The following SCOC variants were observed in gnomAD, a reference collection of about 807,000 sequenced individuals.
SCOC encodes short coiled coil protein.
Under a neutral mutation model 9.9 loss-of-function variants are expected in SCOC, and 7 were observed. That is an observed-to-expected ratio of 0.71 (90% CI 0.40 to 1.33). The LOEUF is 1.33. Ranked by LOEUF, SCOC falls within the 40% of genes most tolerant of loss-of-function variation. The pLI, the probability that SCOC is intolerant of heterozygous loss-of-function variation, is 0.01. For missense variants in SCOC, 66 were observed against 89.7 expected (o/e 0.74, Z 1.07); for synonymous variants, 19 against 28.2 (o/e 0.67, Z 1.03).
At chr4:140,328,012 G>A (rs879454260) in intron 1 of SCOC, among the ~76,000 whole-genome samples, 1 of 152,176 alleles carries the variant, frequency 6.6e-6, no homozygotes, top group Non-Finnish European at 1.5e-5. Context: ...CCAAGTCCTG[G>A]CAGCCACACT....
At chr4:140,331,347 G>A (rs1578817442) in intron 1 of SCOC, among the ~76,000 whole-genome samples, 1 of 152,094 alleles carries the variant, frequency 6.6e-6, no homozygotes, top group Admixed American at 6.5e-5. Context: ...CTGGAAAAGA[G>A]TTGCCCATAG....
At chr4:140,299,673 G>A (rs183341724) in intron 1 of SCOC, among the ~76,000 whole-genome samples, 4,932 of 152,212 alleles carry the variant, frequency 0.032, 244 homozygotes, top group African/African-American at 0.11. Flanking sequence ...GAATTGTAAC[G>A]TCGTTTGTCT....
intron 1 of SCOC, among the ~76,000 whole-genome samples, chr4:140,323,340 C>T (rs555696430): frequency 5.8e-4 from 88 of 152,202 alleles, no homozygotes; most frequent in Non-Finnish European, 1.1e-3. Context: ...CAAGCAGATG[C>T]TGGTGCCATG....
Position 140,379,641 on chromosome 4 carries a change from A to G in SCOC, c.95A>G (p.His32Arg). The G allele has an allele frequency of 6.2e-7, 1 of 1,609,660 alleles. No homozygotes were observed. The change falls in exon 3 of 4, where the codon CAC (histidine) becomes CGC (arginine). Residue 32 changes from histidine to arginine, a missense_variant. Physicochemically the swap from His to Arg is conservative, Grantham distance 29. Coordinates refer to ENST00000608372, the MANE Select transcript of SCOC (RefSeq NM_001153484.2). ...ATTAATCAAGTGTTGGAACTCCAAC[A>G]CACACTTGAAGGTTGGCTTGCATTT... The part of the protein sequence containing the change: ...RLINQVLELQ[H>R]TLEDLSARVD...
chr4:140,332,395 G>A (rs1040894160), intron 1 of SCOC, among the ~76,000 whole-genome samples: 12 of 116,322 alleles, frequency 1.0e-4, no homozygotes, highest in African/African-American at 3.7e-4. Flanking sequence ...TTTTTGAGAC[G>A]GAGTATTGCT....
intron 1 of SCOC, among the ~76,000 whole-genome samples, chr4:140,330,795 A>T (rs1360572274): frequency 6.6e-6 from 1 of 152,220 alleles, no homozygotes; most frequent in Non-Finnish European, 1.5e-5. Flanking sequence ...CCTTTAAAAA[A>T]CACTTTACAG....
At chr4:140,346,362 C>T (rs1447756294) in intron 2 of SCOC, among the ~76,000 whole-genome samples, 1 of 152,198 alleles carries the variant, frequency 6.6e-6, no homozygotes, top group African/African-American at 2.4e-5. Flanking sequence ...GGCTCTCACA[C>T]AAGGACCACT....
At chr4:140,312,316 A>T (rs2126468929) in intron 1 of SCOC, among the ~76,000 whole-genome samples, 1 of 152,374 alleles carries the variant, frequency 6.6e-6, no homozygotes, top group Admixed American at 6.5e-5. Flanking sequence ...CAAGCTTGAT[A>T]AAAAGGAAAA....
At chr4:140,343,644 C>G (rs373613165) in exon 2 of SCOC, 1 of 1,612,616 alleles carries the variant, frequency 6.2e-7, no homozygotes, top group Non-Finnish European at 8.5e-7. Context: ...ACAAGATGGA[C>G]GGGTCCAGGA....
intron 1 of SCOC, among the ~76,000 whole-genome samples, chr4:140,315,939 G>A (rs1446777380): frequency 2.0e-5 from 3 of 151,964 alleles, no homozygotes; most frequent in Non-Finnish European, 2.9e-5. Context: ...TGGCTTTTTC[G>A]GTGGTGAAAC....
intron 1 of SCOC, among the ~76,000 whole-genome samples, chr4:140,279,103 TGCA>T (rs908366878): frequency 7.9e-5 from 12 of 152,148 alleles, no homozygotes; most frequent in African/African-American, 2.7e-4. Flanking sequence ...ACACTTTTCA[TGCA>T]GCTTCTCACC....
rs1320916064 is a variant in SCOC, at chr4:140,379,325, T to C, written c.22+133T>C. 5.4e-6 allele frequency: 4 copies of C among 746,558 alleles called. No individual in the cohort carries two copies. The Admixed American group carries it at 9.1e-5, about 17-fold the overall frequency. The allele number at this position is 746,558 out of a possible 1,614,324, so 46.2% of individuals were successfully genotyped here. A position where few individuals can be genotyped will look rare whatever the true frequency, so the allele number is the denominator to read the frequency against. ...GCTAATTACTTATTTATATCTCATC[T>C]AGTGTTAGAAAGGACCAACCAAAGC... On this transcript the variant is annotated intron_variant, in intron 2 of 3. Coordinates refer to ENST00000608372, the MANE Select transcript of SCOC (RefSeq NM_001153484.2).
chr4:140,326,872 C>T (rs755474582), intron 1 of SCOC, among the ~76,000 whole-genome samples: 1 of 152,202 alleles, frequency 6.6e-6, no homozygotes, highest in South Asian at 2.1e-4. Flanking sequence ...AACTCAATCA[C>T]TGCTCACAAT....
At chr4:140,330,773 A>C (rs1471743737) in intron 1 of SCOC, among the ~76,000 whole-genome samples, 3 of 152,254 alleles carry the variant, frequency 2.0e-5, no homozygotes, top group Non-Finnish European at 4.4e-5. Context: ...ACATGAAAGT[A>C]AGAATAGCTC....
intron 1 of SCOC, among the ~76,000 whole-genome samples, chr4:140,300,013 G>C (rs1731767593): frequency 6.6e-6 from 1 of 152,136 alleles, no homozygotes; most frequent in Admixed American, 6.5e-5. Flanking sequence ...CCAGCTTTGA[G>C]GTAATACACA....
chr4:140,380,714 G>A (rs960002382), intron 3 of SCOC, among the ~76,000 whole-genome samples: 3 of 152,026 alleles, frequency 2.0e-5, no homozygotes, highest in Non-Finnish European at 4.4e-5. Context: ...TAAAAACAAA[G>A]TCTTTTTAAA....
chr4:140,340,634 T>C (rs1420518269), upstream of SCOC, among the ~76,000 whole-genome samples: 1 of 151,912 alleles, frequency 6.6e-6, no homozygotes, highest in African/African-American at 2.4e-5. Flanking sequence ...GAGCTAAAAC[T>C]ATACAACTAG....
At chr4:140,338,250 C>G (rs1277257515) in intron 1 of SCOC, among the ~76,000 whole-genome samples, 4 of 152,044 alleles carry the variant, frequency 2.6e-5, no homozygotes, top group Non-Finnish European at 4.4e-5. Flanking sequence ...ATTCAACAGC[C>G]CTTCATGCTA....
intron 1 of SCOC, among the ~76,000 whole-genome samples, chr4:140,275,163 C>G (rs1321973478): frequency 6.6e-6 from 1 of 152,182 alleles, no homozygotes; most frequent in African/African-American, 2.4e-5. Flanking sequence ...TTACTCCAGT[C>G]TATCTTAAAT....
Sources: gnomAD v4.1 joint callset for allele counts (sites outside exome capture counted in the v4.1 genomes callset) on GRCh38, gnomAD v4.1.1 for gene constraint, MANE v1.5 for transcripts, NCBI Gene and HGNC (gene_info 2026-07-23, HGNC 2026-07-21) for gene names.